The following MCL1 variants were observed in gnomAD, a reference collection of about 807,000 sequenced individuals.
MCL1 encodes MCL1 apoptosis regulator, BCL2 family member.
In MCL1, 4 loss-of-function variants were observed where a neutral mutation model predicts 24.2. That is an observed-to-expected ratio of 0.17 (90% confidence interval 0.08 to 0.38). MCL1 has a LOEUF of 0.38. Among genes scored for constraint, MCL1 ranks in the 10% least tolerant of loss-of-function variants. The probability of loss-of-function intolerance (pLI) is 1.00; values close to 1 mark genes in which losing one functional copy is unlikely to be tolerated. For synonymous variants in MCL1, 248 were observed against 214.0 expected, an observed-to-expected ratio of 1.16 and a Z score of -1.39; for missense variants, 529 against 480.3, an observed-to-expected ratio of 1.10 and a Z score of -0.95.
rs1333942657 is a variant in MCL1 at position 150,577,216 on chromosome 1, T to C, written c.*159A>G. The C allele has an allele frequency of 3.5e-6, 3 of 851,768 alleles. No individual in the cohort carries two copies. The highest frequency in any genetic ancestry group is 2.6e-5 in the East Asian group (1 of 38,618). The allele number at this position is 851,768 out of a possible 1,614,324, so 52.8% of individuals were successfully genotyped here. ...ATCAATGGGGAGCACTCTTCCCATGTATTTATTCTTGTTAGCCATAATCCT... is the reference window on the plus strand; with the variant it reads ...ATCAATGGGGAGCACTCTTCCCATGCATTTATTCTTGTTAGCCATAATCCT... On this transcript the variant is annotated 3_prime_UTR_variant, in exon 3 of 3. Coordinates refer to ENST00000369026, the MANE Select transcript of MCL1 (RefSeq NM_021960.5).
At position 150,574,882 on chromosome 1, in the gene MCL1, C is replaced by A. The variant is rs930690609; in HGVS notation, c.*2493G>T. 4.7e-5 allele frequency: 11 copies of A among 233,246 alleles called. No homozygotes were observed. Among genetic ancestry groups the A allele is most frequent in the Non-Finnish European group, 7.6e-5 (9 of 118,036 alleles). 14.4% of individuals were successfully genotyped at this position (233,246 alleles called of 1,614,324 possible). On this transcript the variant is annotated 3_prime_UTR_variant, in exon 3 of 3. Coordinates refer to ENST00000369026, the MANE Select transcript of MCL1 (RefSeq NM_021960.5). ...ACTACGTAGCCAGTCAGCACTTAGA[C>A]CACCTGCCTCCTCCTCCCCCTATAA...
chr1:150,576,250 T>C lies in MCL1; in HGVS notation c.*1125A>G, dbSNP rs1647797784. 8.6e-6 allele frequency: 2 copies of C among 232,976 alleles called. No individual in the cohort carries two copies. The highest frequency in any genetic ancestry group is 1.7e-5 in the Non-Finnish European group (2 of 117,814). The allele number at this position is 232,976 out of a possible 1,614,324, so 14.4% of individuals were successfully genotyped here. A position where few individuals can be genotyped will look rare whatever the true frequency, so the allele number is the denominator to read the frequency against. On this transcript the variant is annotated 3_prime_UTR_variant, in exon 3 of 3. Coordinates refer to ENST00000369026, the MANE Select transcript of MCL1 (RefSeq NM_021960.5). The stretch of plus-strand genomic sequence containing the variant: ...ATTTCACCAGTTAAATTAGGTCAAA[T>C]GGAAGGAACTCAAATGAGTATTGCC...
intron 1 of MCL1, 68 bp from the exon 2 acceptor site, chr1:150,578,559 C>T (rs587742925): frequency 6.3e-7 from 1 of 1,578,720 alleles, no homozygotes; most frequent in East Asian, 2.2e-5. Flanking sequence ...TTCGCCTGCC[C>T]ACCCGCGGCG....
At position 150,577,490 on chromosome 1, in the gene MCL1, T is replaced by A. The variant is rs779185660; in HGVS notation, c.938A>T (p.Asp313Val). The A allele has an allele frequency of 4.4e-6, 7 of 1,601,846 alleles. No homozygotes were observed. The highest frequency in any genetic ancestry group is 4.3e-6 in the Non-Finnish European group (5 of 1,176,368). Residue 313 changes from aspartate (D) to valine (V), a missense_variant and splice_region_variant, in exon 3 of 3, where the codon GAT becomes GTT. Physicochemically the swap from Asp to Val is radical, Grantham distance 152. Transcript: ENST00000369026. Reference sequence around the variant, plus strand: ...TACATGGAAGAACTCCACAAACCCATCCTAGAAAACAAAAAAGAAAAGCAC... The same window carrying A: ...TACATGGAAGAACTCCACAAACCCAACCTAGAAAACAAAAAAGAAAAGCAC... ...RDWLVKQRGWDGFVEFFHVED... is the reference protein window; with the variant it reads ...RDWLVKQRGWVGFVEFFHVED...
rs1427179365 is a variant in MCL1, at chr1:150,577,334, T to C, written c.*41A>G. The C allele has an allele frequency of 1.9e-6, 3 of 1,605,210 alleles. No individual in the cohort carries two copies. The Admixed American group carries it at 5.1e-5, about 28-fold the overall frequency. The stretch of plus-strand genomic sequence containing the variant: ...CTGCATAAACTGGTTTTGGTGGTGG[T>C]GGTGGTTGGTTAAAAGTCAACTATT... On this transcript the variant is annotated 3_prime_UTR_variant, in exon 3 of 3. Transcript: ENST00000369026.
chr1:150,578,724 T>C (rs1647927517), intron 1 of MCL1, 119 bp downstream of exon 1: 2 of 1,160,980 alleles, frequency 1.7e-6, no homozygotes, highest in Admixed American at 2.5e-5. Context: ...GCTTCAGGAA[T>C]AGGATGAGAC....
Position 150,575,999 on chromosome 1 carries a change from CTAGGCT to C in MCL1, c.*1370_*1375del, listed in dbSNP as rs1647783709. ...AGTAAGTATTTGCTTTATTGACATA[CTAGGCT>C]TAGACCTGTGTGTGTAACAAGCAAG... On this transcript the variant is annotated 3_prime_UTR_variant, in exon 3 of 3. Coordinates refer to ENST00000369026, the MANE Select transcript of MCL1 (RefSeq NM_021960.5). The C allele has an allele frequency of 4.3e-6, 1 of 233,564 alleles. No homozygotes were observed. Among genetic ancestry groups the C allele is most frequent in the African/African-American group, 2.2e-5 (1 of 45,350 alleles). 14.5% of individuals were successfully genotyped at this position (233,564 alleles called of 1,614,324 possible). A position where few individuals can be genotyped will look rare whatever the true frequency, so the allele number is the denominator to read the frequency against.
In MCL1 at chr1:150,576,259, C is replaced by T. The variant is rs1479229047; in HGVS notation, c.*1116G>A. The T allele has an allele frequency of 8.6e-6, 2 of 232,934 alleles. No homozygotes were observed. The highest frequency in any genetic ancestry group is 5.6e-5 in the Admixed American group (1 of 17,760). The allele number at this position is 232,934 out of a possible 1,614,324, so 14.4% of individuals were successfully genotyped here. A position where few individuals can be genotyped will look rare whatever the true frequency, so the allele number is the denominator to read the frequency against. On this transcript the variant is annotated 3_prime_UTR_variant, in exon 3 of 3. Transcript: ENST00000369026. Reference sequence around the variant, plus strand: ...GTTAAATTAGGTCAAATGGAAGGAACTCAAATGAGTATTGCCCAATCAGAG... The same window carrying T: ...GTTAAATTAGGTCAAATGGAAGGAATTCAAATGAGTATTGCCCAATCAGAG...
chr1:150,579,333 C>T lies in MCL1; in HGVS notation c.198G>A (p.Pro66=), dbSNP rs780451231. The T allele has an allele frequency of 6.8e-7, 1 of 1,472,258 alleles. No individual in the cohort carries two copies. The highest frequency in any genetic ancestry group is 8.9e-7 in the Non-Finnish European group (1 of 1,119,776). 91.2% of individuals were successfully genotyped at this position (1,472,258 alleles called of 1,614,324 possible). A position where few individuals can be genotyped will look rare whatever the true frequency, so the allele number is the denominator to read the frequency against. The stretch of plus-strand genomic sequence containing the variant: ...TCCGGGAGTCTGGCGTGAGGGTGGA[C>T]GGGGGGCTTGCGCCGGCGCTTCCGC... ...VIGGSAGASP[P]STLTPDSRRV... Residue 66 remains proline (P), a synonymous_variant, in exon 1 of 3, where the codon CCG becomes CCA. Coordinates refer to ENST00000369026, the MANE Select transcript of MCL1 (RefSeq NM_021960.5).
chr1:150,576,984 TAAC>T lies in MCL1; in HGVS notation c.*388_*390del. 1 of 281,026 alleles carries T rather than the reference TAAC, an allele frequency of 3.6e-6. No individual in the cohort carries two copies. The highest frequency in any genetic ancestry group is 7.1e-5 in the South Asian group (1 of 14,116). 17.4% of individuals were successfully genotyped at this position (281,026 alleles called of 1,614,324 possible). On this transcript the variant is annotated 3_prime_UTR_variant, in exon 3 of 3. Coordinates refer to ENST00000369026, the MANE Select transcript of MCL1 (RefSeq NM_021960.5). ...TCACTGGCATTCTTAGTGCTTCTCT[TAAC>T]ACTACAGTAAATTAATGAATTCGGC...
Position 150,577,251 on chromosome 1 carries a change from T to C in MCL1, c.*124A>G, listed in dbSNP as rs1647845984. On this transcript the variant is annotated 3_prime_UTR_variant, in exon 3 of 3. Coordinates refer to ENST00000369026, the MANE Select transcript of MCL1 (RefSeq NM_021960.5). ...TGTTAGCCATAATCCTCTTGCCACT[T>C]GCTTTTCTGGCTAGGTTGCTAGGGT... The C allele has an allele frequency of 1.6e-6, 2 of 1,263,708 alleles. No homozygotes were observed. Among genetic ancestry groups the C allele is most frequent in the Admixed American group, 2.5e-5 (1 of 40,598 alleles). The allele number at this position is 1,263,708 out of a possible 1,614,324, so 78.3% of individuals were successfully genotyped here.
chr1:150,576,246 C>T lies in MCL1; in HGVS notation c.*1129G>A, dbSNP rs1474992758. 2 of 232,906 alleles carry T rather than the reference C, an allele frequency of 8.6e-6. No individual in the cohort carries two copies. 14.4% of individuals were successfully genotyped at this position (232,906 alleles called of 1,614,324 possible). On this transcript the variant is annotated 3_prime_UTR_variant, in exon 3 of 3. Transcript: ENST00000369026. ...TTAAATTTCACCAGTTAAATTAGGT[C>T]AAATGGAAGGAACTCAAATGAGTAT...
rs1042976493 is a variant in MCL1, at chr1:150,577,309, C to T, written c.*66G>A. 1.4e-4 allele frequency: 225 copies of T among 1,579,662 alleles called. No individual in the cohort carries two copies. Among genetic ancestry groups the T allele is most frequent in the Middle Eastern group, 3.4e-4 (2 of 5,938 alleles). ...TAGGAAGTTACAGCTTGGAGTCCAA[C>T]TGCATAAACTGGTTTTGGTGGTGGT... On this transcript the variant is annotated 3_prime_UTR_variant, in exon 3 of 3. Coordinates refer to ENST00000369026, the MANE Select transcript of MCL1 (RefSeq NM_021960.5).
At position 150,579,575 on chromosome 1, in the gene MCL1, C is replaced by A. The variant is rs1232660469; in HGVS notation, c.-45G>T. The A allele has an allele frequency of 1.9e-6, 3 of 1,554,758 alleles. No individual in the cohort carries two copies. The highest frequency in any genetic ancestry group is 2.6e-6 in the Non-Finnish European group (3 of 1,148,470). On this transcript the variant is annotated 5_prime_UTR_variant, in exon 1 of 3. Coordinates refer to ENST00000369026, the MANE Select transcript of MCL1 (RefSeq NM_021960.5). ...CTGGCTGAGAAAACTGGGGAAGACC[C>A]CGACTCCTTACTGGAAGGAAGCGGA...
rs1647711925 is a variant in MCL1, at chr1:150,574,716, C to A, written c.*2659G>T. 8.6e-6 allele frequency: 2 copies of A among 233,130 alleles called. No individual in the cohort carries two copies. The highest frequency in any genetic ancestry group is 1.1e-4 in the Admixed American group (2 of 17,768). The allele number at this position is 233,130 out of a possible 1,614,324, so 14.4% of individuals were successfully genotyped here. On this transcript the variant is annotated 3_prime_UTR_variant, in exon 3 of 3. Coordinates refer to ENST00000369026, the MANE Select transcript of MCL1 (RefSeq NM_021960.5). ...AACCAGAACCAAGGTGTTCACCCCCCACAGAATGTACATGAAACACTAGAG... is the reference window on the plus strand; with the variant it reads ...AACCAGAACCAAGGTGTTCACCCCCAACAGAATGTACATGAAACACTAGAG...
chr1:150,579,403 G>A lies in MCL1; in HGVS notation c.128C>T (p.Ser43Leu), dbSNP rs1267652025. Residue 43 changes from serine to leucine, a missense_variant, in exon 1 of 3, where the codon TCG becomes TTG. Ser to Leu is a moderately radical substitution (Grantham distance 145). Transcript: ENST00000369026. ...GRLLATEKEASARREIGGGEA... is the reference protein window; with the variant it reads ...GRLLATEKEALARREIGGGEA... ...CCCTCCCCCTATCTCTCGCCGGGCCGAGGCCTCCTTCTCCGTAGCCAAAAG... is the reference window on the plus strand; with the variant it reads ...CCCTCCCCCTATCTCTCGCCGGGCCAAGGCCTCCTTCTCCGTAGCCAAAAG... The A allele has an allele frequency of 7.7e-6, 12 of 1,566,960 alleles. No homozygotes were observed. In the South Asian group the frequency reaches 8.0e-5, roughly 10 times the overall value.
chr1:150,578,998 G>A lies in MCL1; in HGVS notation c.533C>T (p.Ser178Leu), dbSNP rs778851169. The A allele has an allele frequency of 1.2e-6, 2 of 1,613,618 alleles. No homozygotes were observed. Among genetic ancestry groups the A allele is most frequent in the South Asian group, 1.1e-5 (1 of 91,072 alleles). The change falls in exon 1 of 3, where the codon TCG becomes TTG. Residue 178 changes from serine (S) to leucine (L), a missense_variant. Physicochemically the swap from Ser to Leu is moderately radical, Grantham distance 145. Transcript: ENST00000369026. ...EEEEDELYRQ[S>L]LEIISRYLRE... ...AAGGTACCGAGAGATAATCTCCAGCGACTGCCGGTACAACTCGTCCTCCTC... is the reference window on the plus strand; with the variant it reads ...AAGGTACCGAGAGATAATCTCCAGCAACTGCCGGTACAACTCGTCCTCCTC...
Position 150,579,267 on chromosome 1 carries a change from G to C in MCL1, c.264C>G (p.Asp88Glu). 1 of 1,494,370 alleles carries C rather than the reference G, an allele frequency of 6.7e-7. No homozygotes were observed. Among genetic ancestry groups the C allele is most frequent in the Non-Finnish European group, 8.9e-7 (1 of 1,128,108 alleles). 92.6% of individuals were successfully genotyped at this position (1,494,370 alleles called of 1,614,324 possible). Residue 88 changes from aspartate to glutamate, a missense_variant, in exon 1 of 3, where the codon GAC (aspartate) becomes GAG (glutamate). Transcript: ENST00000369026. ...GCAGCCTCGCGGGGGTCGCGGTGAC[G>C]TCGGGGACCTCGGCGCCAATGGGCG... ...RPPPIGAEVPDVTATPARLLF... is the reference protein window; with the variant it reads ...RPPPIGAEVPEVTATPARLLF...
chr1:150,578,381 G>A lies in MCL1; in HGVS notation c.799C>T (p.Leu267Phe), dbSNP rs1647906503. The part of the protein sequence containing the change: ...GVTNWGRIVT[L>F]ISFGAFVAKH... ...GCCACAAAGGCACCAAAAGAAATGA[G>A]AGTCACAATCCTGCCCCAGTTTGTT... Residue 267 changes from leucine (L) to phenylalanine (F), a missense_variant, in exon 2 of 3, where the codon CTC (leucine) becomes TTC (phenylalanine). Physicochemically the swap from Leu to Phe is conservative, Grantham distance 22 (BLOSUM62 0). Coordinates refer to ENST00000369026, the MANE Select transcript of MCL1 (RefSeq NM_021960.5). The A allele has an allele frequency of 1.2e-6, 2 of 1,614,228 alleles. No homozygotes were observed. The highest frequency in any genetic ancestry group is 4.5e-5 in the East Asian group (2 of 44,890).
Sources: allele counts gnomAD v4.1 joint callset, GRCh38; gene constraint gnomAD v4.1.1; transcripts MANE v1.5; gene names NCBI Gene and HGNC (gene_info 2026-07-23, HGNC 2026-07-21).